The following SETBP1 variants were observed in gnomAD, a reference collection of about 807,000 sequenced individuals.
The protein encoded by SETBP1 is SET-binding protein.
Under a neutral mutation model 101.0 loss-of-function variants are expected in SETBP1, and 9 were observed. The ratio of observed to expected loss-of-function variants is 0.09; its 90% confidence interval spans 0.05 to 0.16. SETBP1 has a LOEUF of 0.16. Ranked by LOEUF, SETBP1 falls within the 10% of genes least tolerant of loss-of-function variation. SETBP1 has a pLI of 1.00. For synonymous variants in SETBP1, 818 were observed against 788.5 expected, an observed-to-expected ratio of 1.04 and a Z score of -0.63; for missense variants, 1,858 against 2,033.8, an observed-to-expected ratio of 0.91 and a Z score of 1.66.
At chr18:44,903,811 A>T in intron 3 of SETBP1, among the ~76,000 whole-genome samples, 1 of 152,352 alleles carries the variant, frequency 6.6e-6, no homozygotes, top group African/African-American at 2.4e-5. Flanking sequence ...CTCAGTAAAT[A>T]CCACAGTGGT....
intron 5 of SETBP1, among the ~76,000 whole-genome samples, chr18:45,054,109 C>T (rs76354191): frequency 1.7e-4 from 26 of 152,224 alleles, no homozygotes; most frequent in East Asian, 1.5e-3. Flanking sequence ...AAACAGAGGA[C>T]GGCTAAATGC....
At chr18:44,979,218 C>G (rs557158969) in intron 4 of SETBP1, among the ~76,000 whole-genome samples, 2 of 152,320 alleles carry the variant, frequency 1.3e-5, no homozygotes, top group South Asian at 4.1e-4. Flanking sequence ...ATTTGCTTCC[C>G]TTTGCAATCT....
In SETBP1 at chr18:44,741,554, C is replaced by T. The variant is rs143030374; in HGVS notation, c.486+39722C>T. On this transcript the variant is annotated intron_variant, in intron 2 of 5. Coordinates refer to ENST00000649279, the MANE Select transcript of SETBP1 (RefSeq NM_015559.3). ...TCTTTCTTACTGTTATTATTTATGACGGTCATTGTTTTAACTGCTCCAAGG... is the reference window on the plus strand; with the variant it reads ...TCTTTCTTACTGTTATTATTTATGATGGTCATTGTTTTAACTGCTCCAAGG... 6.4e-3 allele frequency among the ~76,000 whole-genome samples: 975 copies of T among 151,972 alleles called. 5 individuals are homozygous for T. Among genetic ancestry groups the T allele is most frequent in the Non-Finnish European group, 0.011 (772 of 67,960 alleles).
At chr18:44,866,218 T>C (rs1463148245) in intron 2 of SETBP1, among the ~76,000 whole-genome samples, 3 of 152,240 alleles carry the variant, frequency 2.0e-5, no homozygotes, top group African/African-American at 7.2e-5. Flanking sequence ...GAGAAGAGCT[T>C]GTCCCCAGTG....
intron 3 of SETBP1, among the ~76,000 whole-genome samples, chr18:44,939,990 T>C (rs1351880470): frequency 6.6e-6 from 1 of 152,162 alleles, no homozygotes; most frequent in African/African-American, 2.4e-5. Context: ...GAGAGAGGAG[T>C]GTTAAAATAC....
In SETBP1 at chr18:44,942,824, C is replaced by G. The variant is rs145057942; in HGVS notation, c.541-7057C>G. On this transcript the variant is annotated intron_variant, in intron 3 of 5. Transcript: ENST00000649279. The stretch of plus-strand genomic sequence containing the variant: ...AGAGGTATATGGTAGGGCCCTCTGT[C>G]GTGTATGAGCTGTTACCACCTTCAG... 1.8e-3 allele frequency among the ~76,000 whole-genome samples: 274 copies of G among 152,244 alleles called. 2 individuals are homozygous for G. Among genetic ancestry groups the G allele is most frequent in the African/African-American group, 6.4e-3 (267 of 41,538 alleles).
chr18:44,694,159 A>G (rs1021070200), intron 1 of SETBP1, among the ~76,000 whole-genome samples: 1 of 152,172 alleles, frequency 6.6e-6, no homozygotes, highest in Admixed American at 6.5e-5. Context: ...TATATGCTTA[A>G]CACCCTGTTT....
chr18:44,833,664 A>G (rs1018293775), intron 2 of SETBP1, among the ~76,000 whole-genome samples: 1 of 152,258 alleles, frequency 6.6e-6, no homozygotes, highest in African/African-American at 2.4e-5. Flanking sequence ...CAAGGCAGAC[A>G]TGCAAAGGTG....
chr18:44,875,061 G>A (rs1372198046), intron 3 of SETBP1, among the ~76,000 whole-genome samples: 2 of 152,206 alleles, frequency 1.3e-5, no homozygotes, highest in African/African-American at 2.4e-5. Flanking sequence ...AACTGGGGGA[G>A]TGAGAGTCTT....
At chr18:44,828,260 G>A (rs1012891430) in intron 2 of SETBP1, among the ~76,000 whole-genome samples, 18 of 152,266 alleles carry the variant, frequency 1.2e-4, no homozygotes, top group African/African-American at 3.6e-4. Context: ...AGGAAGTTCC[G>A]TTATGTTGAA....
intron 2 of SETBP1, among the ~76,000 whole-genome samples, chr18:44,857,970 A>G (rs548745376): frequency 6.6e-6 from 1 of 152,272 alleles, no homozygotes; most frequent in South Asian, 2.1e-4. Context: ...GCAGGATTGT[A>G]TGAGACGCAA....
intron 3 of SETBP1, among the ~76,000 whole-genome samples, chr18:44,927,444 C>A (rs1483600529): frequency 6.6e-6 from 1 of 152,144 alleles, no homozygotes; most frequent in East Asian, 1.9e-4. Context: ...TATACAATGT[C>A]TAGCTTTTTA....
At chr18:45,033,307 C>T (rs774767437) in intron 4 of SETBP1, among the ~76,000 whole-genome samples, 14 of 152,192 alleles carry the variant, frequency 9.2e-5, no homozygotes, top group Admixed American at 5.9e-4. Flanking sequence ...ATTTCAGCTT[C>T]GCTTCGTCCA....
At chr18:44,759,962 T>C (rs2144582134) in intron 2 of SETBP1, among the ~76,000 whole-genome samples, 1 of 152,300 alleles carries the variant, frequency 6.6e-6, no homozygotes, top group East Asian at 1.9e-4. Context: ...CCCCAGGTGA[T>C]TTGTATGTGT....
chr18:44,957,037 G>C lies in SETBP1; in HGVS notation c.4000+3697G>C, dbSNP rs191198683. Among the ~76,000 whole-genome samples the C allele has an allele frequency of 7.9e-5, 12 of 152,224 alleles. No homozygotes were observed. In the East Asian group the frequency reaches 2.1e-3, roughly 27 times the overall value. On this transcript the variant is annotated intron_variant, in intron 4 of 5. Transcript: ENST00000649279. Reference sequence around the variant, plus strand: ...TAAATGTCCGTTTATAAAAATGCTTGCCTGGGACCAGAAAATGGATAAATA... The same window carrying C: ...TAAATGTCCGTTTATAAAAATGCTTCCCTGGGACCAGAAAATGGATAAATA...
intron 4 of SETBP1, among the ~76,000 whole-genome samples, chr18:45,019,059 C>T (rs2073006003): frequency 6.6e-6 from 1 of 152,134 alleles, no homozygotes; most frequent in African/African-American, 2.4e-5. Context: ...AACAGACAAG[C>T]CTTTGATGAC....
chr18:44,912,637 T>C (rs986193748), intron 3 of SETBP1, among the ~76,000 whole-genome samples: 1 of 152,134 alleles, frequency 6.6e-6, no homozygotes, highest in Admixed American at 6.5e-5. Flanking sequence ...CAGGATGGTC[T>C]CCATCTCCTG....
chr18:45,018,861 G>T (rs1169141998), intron 4 of SETBP1, among the ~76,000 whole-genome samples: 2 of 152,198 alleles, frequency 1.3e-5, no homozygotes, highest in East Asian at 3.8e-4. Context: ...TCCCTGCAAG[G>T]TCACGGATGT....
At chr18:44,711,704 A>ATTTT (rs11376628) in intron 2 of SETBP1, among the ~76,000 whole-genome samples, 1 of 125,650 alleles carries the variant, frequency 8.0e-6, no homozygotes. Flanking sequence ...TTATCTTTAA[A>ATTTT]TTTTTTTTTT....
Sources: gnomAD v4.1 joint callset for allele counts (sites outside exome capture counted in the v4.1 genomes callset) on GRCh38, gnomAD v4.1.1 for gene constraint, MANE v1.5 for transcripts, NCBI Gene and HGNC (gene_info 2026-07-23, HGNC 2026-07-21) for gene names.